The following DAB2IP variants were observed in gnomAD, a reference collection of about 807,000 sequenced individuals.
The protein encoded by DAB2IP is disabled homolog 2-interacting protein.
Under a neutral mutation model 107.2 loss-of-function variants are expected in DAB2IP, and 28 were observed. That is an observed-to-expected ratio of 0.26 (90% CI 0.19 to 0.36). The LOEUF (loss-of-function observed/expected upper bound fraction) is 0.36, where lower values mean the gene tolerates loss of function less well. DAB2IP is among the 10% of genes least tolerant of loss of function. The probability of loss-of-function intolerance (pLI) is 1.00; values close to 1 mark genes in which losing one functional copy is unlikely to be tolerated. For synonymous variants in DAB2IP, 755 were observed against 706.4 expected (o/e 1.07, Z -1.09); for missense variants, 1,400 against 1,644.7 (o/e 0.85, Z 2.57).
intron 3 of DAB2IP, among the ~76,000 whole-genome samples, chr9:121,734,756 G>A (rs1831774822): frequency 6.6e-6 from 1 of 152,236 alleles, no homozygotes; most frequent in African/African-American, 2.4e-5. Flanking sequence ...GCTAGTAAAA[G>A]GTGCAAAAAC....
At chr9:121,582,161 G>C (rs883096) in intron 1 of DAB2IP, among the ~76,000 whole-genome samples, 43,260 of 151,880 alleles carry the variant, frequency 0.28, 6,939 homozygotes, top group South Asian at 0.46. Context: ...GGAAGCTAAT[G>C]TGCCTGAGCG....
chr9:121,674,989 C>A (rs974304096), intron 1 of DAB2IP, among the ~76,000 whole-genome samples: 2 of 152,050 alleles, frequency 1.3e-5, no homozygotes, highest in African/African-American at 4.8e-5. Flanking sequence ...TGTGGGGCAG[C>A]CTGACTCTGC....
chr9:121,713,715 G>C (rs1254293589), intron 3 of DAB2IP, among the ~76,000 whole-genome samples: 1 of 152,162 alleles, frequency 6.6e-6, no homozygotes, highest in South Asian at 2.1e-4. Context: ...CAGCAGCTGG[G>C]CTTAGAGGCT....
chr9:121,769,205 G>C (rs34415799), intron 10 of DAB2IP, among the ~76,000 whole-genome samples: 5,896 of 152,270 alleles, frequency 0.039, 157 homozygotes, highest in Middle Eastern at 0.078. Flanking sequence ...CCGAATATCT[G>C]TTGCTTTCTA....
chr9:121,765,778 C>A (rs1834235708), intron 8 of DAB2IP, among the ~76,000 whole-genome samples: 1 of 152,204 alleles, frequency 6.6e-6, no homozygotes, highest in Non-Finnish European at 1.5e-5. Flanking sequence ...TGGGCCTGAC[C>A]ATGGCAGGCC....
chr9:121,755,332 C>G (rs1258813609), intron 3 of DAB2IP, among the ~76,000 whole-genome samples: 4 of 152,242 alleles, frequency 2.6e-5, no homozygotes, highest in African/African-American at 9.6e-5. Flanking sequence ...GAGGCACATG[C>G]TGGGCTTGTC....
At chr9:121,607,309 T>G (rs1489307052) in intron 1 of DAB2IP, among the ~76,000 whole-genome samples, 2 of 152,052 alleles carry the variant, frequency 1.3e-5, no homozygotes, top group African/African-American at 2.4e-5. Flanking sequence ...CTTTGGGTTT[T>G]TCTTATTTTT....
At chr9:121,743,066 G>C (rs1246471617) in intron 3 of DAB2IP, 24 of 918,790 alleles carry the variant, frequency 2.6e-5, no homozygotes, top group Non-Finnish European at 3.1e-5. Flanking sequence ...ACTCTGGCTG[G>C]GATGGACCTC....
rs140594023 is a variant in DAB2IP at position 121,639,967 on chromosome 9, A to G, written c.41-38711A>G. On this transcript the variant is annotated intron_variant, in intron 1 of 16. Transcript: ENST00000259371. ...CCCAAGTGTCTGCACTTTAACCCACATCCCAGGGGACTGGAATGTCTCGAA... is the reference window on the plus strand; with the variant it reads ...CCCAAGTGTCTGCACTTTAACCCACGTCCCAGGGGACTGGAATGTCTCGAA... Among the ~76,000 whole-genome samples, 365 of 152,252 alleles carry G rather than the reference A, an allele frequency of 2.4e-3. 4 individuals carry two copies. Among genetic ancestry groups the G allele is most frequent in the African/African-American group, 8.3e-3 (346 of 41,554 alleles).
intron 14 of DAB2IP, among the ~76,000 whole-genome samples, chr9:121,777,465 G>C (rs1032555054): frequency 6.6e-6 from 1 of 152,248 alleles, no homozygotes; most frequent in Non-Finnish European, 1.5e-5. Context: ...CACCTTGTGT[G>C]TGTTTCCAAG....
chr9:121,767,726 GAGCAGGATGGT>G (rs1459451657), intron 9 of DAB2IP, among the ~76,000 whole-genome samples: 3 of 152,216 alleles, frequency 2.0e-5, no homozygotes, highest in African/African-American at 7.2e-5. Context: ...GGGTTGGAGG[GAGCAGGATGGT>G]AGCCAGGAGA....
At chr9:121,723,077 C>T (rs1156490348) in intron 3 of DAB2IP, among the ~76,000 whole-genome samples, 1 of 152,206 alleles carries the variant, frequency 6.6e-6, no homozygotes, top group Non-Finnish European at 1.5e-5. Flanking sequence ...AGCCTAGCTG[C>T]CATGGCCCAG....
chr9:121,777,714 A>G (rs146035671), intron 14 of DAB2IP, among the ~76,000 whole-genome samples: 150 of 152,276 alleles, frequency 9.9e-4, no homozygotes, highest in African/African-American at 3.2e-3. Context: ...CACTGAAACT[A>G]TTCTTAGGTG....
chr9:121,737,427 G>A, intron 3 of DAB2IP: 1 of 985,464 alleles, frequency 1.0e-6, no homozygotes, highest in Non-Finnish European at 1.2e-6. Context: ...TTCAGCACGT[G>A]CCTTTCGGGA....
intron 8 of DAB2IP, 73 bp from the exon 9 acceptor site, chr9:121,766,421 G>T: frequency 1.4e-6 from 2 of 1,417,878 alleles, no homozygotes; most frequent in Admixed American, 1.8e-5. Flanking sequence ...TGGAATGCAG[G>T]TTCCTGCTCT....
rs1311241088 is a variant in DAB2IP at position 121,702,670 on chromosome 9, C to A, written c.362+3212C>A. Among the ~76,000 whole-genome samples the A allele has an allele frequency of 6.6e-6, 1 of 152,118 alleles. No homozygotes were observed. Among genetic ancestry groups the A allele is most frequent in the Non-Finnish European group, 1.5e-5 (1 of 68,036 alleles). On this transcript the variant is annotated intron_variant, in intron 3 of 15. Transcript: ENST00000408936. This position sits in a 1 kb window ranked among gnomAD's most constrained non-coding sequence, Gnocchi z 4.5. ...AAATGCTGCTGCTTCATTTACAGGG[C>A]TGTTTTAATGTTGGTAAAAGTGATA...
At chr9:121,656,129 C>G (rs948060076) in intron 1 of DAB2IP, among the ~76,000 whole-genome samples, 3 of 152,264 alleles carry the variant, frequency 2.0e-5, no homozygotes, top group African/African-American at 7.2e-5. Flanking sequence ...CTGCCTCAGC[C>G]TCCCGAGTAG....
Position 121,776,319 on chromosome 9 carries a change from TGGA to T in DAB2IP, c.3248_3250del (p.Glu1083del). Reference sequence around the variant, plus strand: ...CTGGTGCTGGAGTACCAGGCACGGCTGGAGGAGGGCGAGGAGCGGCTGCGGCGG... The same window carrying T: ...CTGGTGCTGGAGTACCAGGCACGGCTGGAGGGCGAGGAGCGGCTGCGGCGG... On this transcript the variant is annotated inframe_deletion, in exon 14 of 16. Coordinates refer to ENST00000408936, the Ensembl canonical transcript of DAB2IP. This position sits in a 1 kb window ranked among gnomAD's most constrained non-coding sequence, Gnocchi z 5.4. 1.3e-6 allele frequency: 2 copies of T among 1,564,270 alleles called. No individual in the cohort carries two copies. The highest frequency in any genetic ancestry group is 1.7e-6 in the Non-Finnish European group (2 of 1,154,396).
At position 121,638,708 on chromosome 9, in the gene DAB2IP, T is replaced by C. The variant is rs570618141; in HGVS notation, c.41-39970T>C. On this transcript the variant is annotated intron_variant, in intron 1 of 16. Coordinates refer to the DAB2IP transcript ENST00000259371. The stretch of plus-strand genomic sequence containing the variant: ...CTGGCTGTTTTATGGAGAACCACAC[T>C]GAGGAGGCAGCGGAGGATTTGGGGG... Among the ~76,000 whole-genome samples, 9 of 151,254 alleles carry C rather than the reference T, an allele frequency of 6.0e-5. No individual in the cohort carries two copies. The East Asian group carries it at 1.8e-3, about 29-fold the overall frequency.
Sources: gnomAD v4.1 joint callset for allele counts (sites outside exome capture counted in the v4.1 genomes callset) on GRCh38, gnomAD v4.1.1 for gene constraint, Gnocchi (gnomAD v3.1) non-coding constraint, MANE v1.5 for transcripts, NCBI Gene and HGNC (gene_info 2026-07-23, HGNC 2026-07-21) for gene names.